PALS2: variants seen among roughly 807,000 people sequenced by gnomAD.
PALS2 encodes the protein protein associated with LIN7 2, MAGUK p55 family member.
In PALS2, 27 loss-of-function variants were observed where a neutral mutation model predicts 61.6. That is an observed-to-expected ratio of 0.44 (90% confidence interval 0.32 to 0.60). The LOEUF is 0.60. Ranked by LOEUF, PALS2 falls within the 20% of genes least tolerant of loss-of-function variation. PALS2 has a pLI of 0.05. For missense variants in PALS2, 554 were observed against 639.4 expected (o/e 0.87, Z 1.44); for synonymous variants, 236 against 218.6 (o/e 1.08, Z -0.70).
chr7:24,665,782 A>T, intron 7 of PALS2, 95 bp downstream of exon 7: 1 of 1,147,778 alleles, frequency 8.7e-7, no homozygotes, highest in Non-Finnish European at 1.3e-6. Flanking sequence ...TATTTAAAAT[A>T]TGTCTAGAAT....
At chr7:24,652,712 G>C (rs767421) in intron 5 of PALS2, among the ~76,000 whole-genome samples, 76,694 of 152,010 alleles carry the variant, frequency 0.5, 23,113 homozygotes, top group African/African-American at 0.83. Flanking sequence ...GGCATTTTGC[G>C]TCTTCAACTC....
chr7:24,677,571 T>G (rs1315889778), intron 9 of PALS2, among the ~76,000 whole-genome samples: 1 of 152,130 alleles, frequency 6.6e-6, no homozygotes, highest in Non-Finnish European at 1.5e-5. Context: ...ATTGAGAGTT[T>G]TTAGCATGAA....
intron 9 of PALS2, among the ~76,000 whole-genome samples, chr7:24,669,358 A>T (rs938385336): frequency 3.3e-5 from 5 of 152,198 alleles, no homozygotes; most frequent in African/African-American, 9.6e-5. Context: ...GAATTGGATG[A>T]TGTTAGTGAT....
rs1490961043 is a variant in PALS2 at position 24,586,971 on chromosome 7, C to T, written c.-3+13378C>T. Among the ~76,000 whole-genome samples the T allele has an allele frequency of 4.0e-5, 6 of 151,324 alleles. No homozygotes were observed. In the East Asian group the frequency reaches 9.7e-4, roughly 24 times the overall value. ...TTTCAGAGTTTGGAAATTCCCCGCCCGCCCTGCCCCCCAAATTCTAGTATT... is the reference window on the plus strand; with the variant it reads ...TTTCAGAGTTTGGAAATTCCCCGCCTGCCCTGCCCCCCAAATTCTAGTATT... On this transcript the variant is annotated intron_variant, in intron 1 of 11. Coordinates refer to ENST00000222644, the MANE Select transcript of PALS2 (RefSeq NM_001303037.2).
At chr7:24,608,765 G>A (rs1386150492) in intron 1 of PALS2, among the ~76,000 whole-genome samples, 1 of 151,974 alleles carries the variant, frequency 6.6e-6, no homozygotes, top group Non-Finnish European at 1.5e-5. Flanking sequence ...ACCATGCCCA[G>A]CTAACTAATT....
chr7:24,663,356 CTTGT>C (rs915538573), intron 5 of PALS2: 58 of 317,358 alleles, frequency 1.8e-4, no homozygotes, highest in Non-Finnish European at 2.5e-4. Context: ...TTATCAAACT[CTTGT>C]TGATTTAAAG....
At chr7:24,579,041 A>G (rs1220708784) in intron 1 of PALS2, among the ~76,000 whole-genome samples, 1 of 152,226 alleles carries the variant, frequency 6.6e-6, no homozygotes, top group East Asian at 1.9e-4. Flanking sequence ...TTTGTATGAT[A>G]AATAAGAGTC....
At chr7:24,676,735 A>G (rs965785835) in intron 9 of PALS2, among the ~76,000 whole-genome samples, 22 of 151,034 alleles carry the variant, frequency 1.5e-4, no homozygotes, top group African/African-American at 5.4e-4. Context: ...ATTGATCTGT[A>G]TCTCTGTTTT....
chr7:24,641,660 G>C, intron 2 of PALS2, 56 bp from the exon 3 acceptor site: 2 of 1,408,398 alleles, frequency 1.4e-6, no homozygotes, highest in Non-Finnish European at 1.9e-6. Context: ...ATAAACCATG[G>C]TCTGGTGCAA....
At chr7:24,641,500 A>T (rs1330710037) in intron 2 of PALS2, among the ~76,000 whole-genome samples, 1 of 152,092 alleles carries the variant, frequency 6.6e-6, no homozygotes, top group African/African-American at 2.4e-5. Flanking sequence ...GTTTTTCATG[A>T]CTTTCAGGAT....
chr7:24,628,146 G>A (rs1049129387), intron 2 of PALS2, among the ~76,000 whole-genome samples: 2 of 152,174 alleles, frequency 1.3e-5, no homozygotes, highest in African/African-American at 4.8e-5. Flanking sequence ...GAATCCAGCA[G>A]CACATTAAAA....
At chr7:24,579,632 G>A (rs55782418) in intron 1 of PALS2, among the ~76,000 whole-genome samples, 2 of 151,606 alleles carry the variant, frequency 1.3e-5, no homozygotes, top group Non-Finnish European at 1.5e-5. Flanking sequence ...CCGATACTTT[G>A]TATCCTTCAC....
intron 1 of PALS2, among the ~76,000 whole-genome samples, chr7:24,584,818 C>A (rs1388631858): frequency 6.6e-5 from 10 of 151,620 alleles, no homozygotes; most frequent in South Asian, 2.1e-4. Flanking sequence ...AGTCTTTAAT[C>A]CATCTTGAAT....
rs114301363 is a variant in PALS2, at chr7:24,682,501, C to G, written c.1446+1981C>G. 6.0e-3 allele frequency among the ~76,000 whole-genome samples: 921 copies of G among 152,292 alleles called. 10 individuals carry two copies. The highest frequency in any genetic ancestry group is 0.02 in the African/African-American group (847 of 41,560). On this transcript the variant is annotated intron_variant, in intron 11 of 11. Transcript: ENST00000222644. ...TCCTGTAGGCTCCTTTGGGCTCACT[C>G]TCCCCATCCTACTGCCCAGAAACTC... is the stretch of plus-strand genomic sequence containing the variant.
At chr7:24,668,706 T>G (rs762491494) in intron 9 of PALS2, 46 bp downstream of exon 9, 5 of 1,584,630 alleles carry the variant, frequency 3.2e-6, no homozygotes, top group Non-Finnish European at 4.3e-6. Flanking sequence ...CAGGAAAGAG[T>G]ATGGGCATAT....
At chr7:24,607,790 G>C (rs138414703) in intron 1 of PALS2, among the ~76,000 whole-genome samples, 5 of 151,936 alleles carry the variant, frequency 3.3e-5, no homozygotes, top group Non-Finnish European at 7.4e-5. Flanking sequence ...GATAAATTTT[G>C]ATGCATGCAT....
chr7:24,597,641 C>T (rs1294567655), intron 1 of PALS2, among the ~76,000 whole-genome samples: 1 of 152,058 alleles, frequency 6.6e-6, no homozygotes, highest in Non-Finnish European at 1.5e-5. Context: ...GATCATGGTC[C>T]CACAGTGGGT....
rs996355314 is a variant in PALS2 at position 24,618,366 on chromosome 7, G to C, written c.-2-5300G>C. ...CTGTGCTCAGGCTCTGTGCAGCTGG[G>C]GTTGTGGCATTCAGACACCTGTGTG... is the stretch of plus-strand genomic sequence containing the variant. On this transcript the variant is annotated intron_variant, in intron 1 of 11. Transcript: ENST00000222644. This position sits in a 1 kb window ranked among gnomAD's most constrained non-coding sequence, Gnocchi z 5.1. Among the ~76,000 whole-genome samples, 2 of 152,196 alleles carry C rather than the reference G, an allele frequency of 1.3e-5. No homozygotes were observed. The highest frequency in any genetic ancestry group is 4.8e-5 in the African/African-American group (2 of 41,448).
At chr7:24,632,399 T>A (rs1785037827) in intron 2 of PALS2, among the ~76,000 whole-genome samples, 1 of 152,150 alleles carries the variant, frequency 6.6e-6, no homozygotes, top group African/African-American at 2.4e-5. Flanking sequence ...ACTCTGACAG[T>A]CTCTTTGTTT....
Sources: gnomAD v4.1 joint callset for allele counts (sites outside exome capture counted in the v4.1 genomes callset) on GRCh38, gnomAD v4.1.1 for gene constraint, Gnocchi (gnomAD v3.1) non-coding constraint, MANE v1.5 for transcripts, NCBI Gene and HGNC (gene_info 2026-07-23, HGNC 2026-07-21) for gene names.